DENND4C: variants seen among roughly 807,000 people sequenced by gnomAD.
DENND4C encodes DENN domain-containing protein 4C.
In DENND4C, 108 loss-of-function variants were observed where a neutral mutation model predicts 203.0. The ratio of observed to expected loss-of-function variants is 0.53; its 90% CI spans 0.46 to 0.62. DENND4C has a LOEUF of 0.62. Ranked by LOEUF, DENND4C falls within the 20% of genes least tolerant of loss-of-function variation. The probability of loss-of-function intolerance (pLI) is 0.00; values close to 1 mark genes in which losing one functional copy is unlikely to be tolerated. For missense variants in DENND4C, 2,481 were observed against 2,301.2 expected, an observed-to-expected ratio of 1.08 and a Z score of -1.60; for synonymous variants, 871 against 792.4, an observed-to-expected ratio of 1.10 and a Z score of -1.67.
intron 1 of DENND4C, among the ~76,000 whole-genome samples, chr9:19,241,004 A>C (rs1823555958): frequency 6.6e-6 from 1 of 152,282 alleles, no homozygotes; most frequent in South Asian, 2.1e-4. Flanking sequence ...AACGGAACAC[A>C]GAACAGGACA....
At chr9:19,311,468 T>G (rs1049539508) in intron 10 of DENND4C, among the ~76,000 whole-genome samples, 1 of 152,204 alleles carries the variant, frequency 6.6e-6, no homozygotes, top group African/African-American at 2.4e-5. Context: ...TCCGTTGAAT[T>G]GTGATCAGAA....
In DENND4C at chr9:19,361,828, T is replaced by C. The variant is rs775698482; in HGVS notation, c.5407-18T>C. On this transcript the variant is annotated intron_variant, in intron 29 of 32. Coordinates refer to ENST00000434457, the MANE Select transcript of DENND4C (RefSeq NM_001330640.2). Reference sequence around the variant, plus strand: ...TGTTATTCTCGGGATACTAATACTTTCTTTTGATTTCTTTTAGCTTCCTCT... The same window carrying C: ...TGTTATTCTCGGGATACTAATACTTCCTTTTGATTTCTTTTAGCTTCCTCT... The C allele has an allele frequency of 4.5e-5, 64 of 1,438,174 alleles. No individual in the cohort carries two copies. Among genetic ancestry groups the C allele is most frequent in the Non-Finnish European group, 6.0e-5 (61 of 1,020,902 alleles). The allele number at this position is 1,438,174 out of a possible 1,614,324, so 89.1% of individuals were successfully genotyped here. A position where few individuals can be genotyped will look rare whatever the true frequency, so the allele number is the denominator to read the frequency against.
Position 19,342,691 on chromosome 9 carries a change from C to G in DENND4C, c.3063C>G (p.His1021Gln). The change falls in exon 22 of 33, where the codon CAC (histidine) becomes CAG (glutamine). Residue 1021 changes from histidine (H) to glutamine (Q), a missense_variant. This residue lies in a region of DENND4C where 2,289 missense variants were observed against 2,113.3 expected (regional missense o/e 1.08). Coordinates refer to ENST00000434457, the MANE Select transcript of DENND4C (RefSeq NM_001330640.2). ...AKHSQPSPEP[H>Q]SPTEPPAWGS... ...ATTCACAACCTAGTCCAGAGCCTCA[C>G]AGTCCTACTGAACCTCCTGCATGGG... 6.2e-7 allele frequency: 1 copy of G among 1,613,568 alleles called. No individual in the cohort carries two copies. Among genetic ancestry groups the G allele is most frequent in the South Asian group, 1.1e-5 (1 of 90,980 alleles).
rs1188202841 is a variant in DENND4C at position 19,316,644 on chromosome 9, T to G, written c.1612T>G (p.Ser538Ala). Residue 538 changes from serine to alanine, a missense_variant, in exon 12 of 33, where the codon TCA becomes GCA. Physicochemically the swap from Ser to Ala is moderately conservative, Grantham distance 99. Around this residue, in one of 3 missense-constraint regions of DENND4C, gnomAD observed 2,289 missense variants for 2,113.3 expected, o/e 1.08. Coordinates refer to ENST00000434457, the MANE Select transcript of DENND4C (RefSeq NM_001330640.2). Reference protein sequence around the residue: ...SSVHQKTQEGSAIDMTPIEAD... With the variant: ...SSVHQKTQEGAAIDMTPIEAD... ...AGTTCACCAAAAAACTCAAGAAGGC[T>G]CAGCGATTGACATGACTCCAATTGA... 4 of 1,614,038 alleles carry G rather than the reference T, an allele frequency of 2.5e-6. No individual in the cohort carries two copies. The highest frequency in any genetic ancestry group is 3.4e-6 in the Non-Finnish European group (4 of 1,179,996).
intron 1 of DENND4C, among the ~76,000 whole-genome samples, chr9:19,270,900 A>G (rs539145428): frequency 7.2e-5 from 11 of 152,354 alleles, no homozygotes; most frequent in Admixed American, 5.2e-4. Flanking sequence ...ATATGAGATC[A>G]ATATGTAAAA....
intron 1 of DENND4C, among the ~76,000 whole-genome samples, chr9:19,273,540 A>G (rs1832217537): frequency 6.6e-6 from 1 of 152,054 alleles, no homozygotes; most frequent in African/African-American, 2.4e-5. Flanking sequence ...CATATGTCTG[A>G]TAGATGACTT....
At chr9:19,302,100 A>T (rs915493777) in intron 9 of DENND4C, among the ~76,000 whole-genome samples, 5 of 152,248 alleles carry the variant, frequency 3.3e-5, no homozygotes, top group Non-Finnish European at 5.9e-5. Context: ...GAAAAATGCC[A>T]GAGTATATGA....
chr9:19,309,212 C>A (rs1280682818), intron 10 of DENND4C, among the ~76,000 whole-genome samples: 1 of 151,992 alleles, frequency 6.6e-6, no homozygotes, highest in Non-Finnish European at 1.5e-5. Flanking sequence ...CTCCTGGGGT[C>A]GGGAGTTTGA....
At position 19,298,051 on chromosome 9, in the gene DENND4C, T is replaced by G. The variant is rs1457829085; in HGVS notation, c.1041-5T>G. The G allele has an allele frequency of 3.7e-6, 6 of 1,605,232 alleles. No individual in the cohort carries two copies. In the East Asian group the frequency reaches 1.1e-4, roughly 30 times the overall value. On this transcript the variant is annotated splice_polypyrimidine_tract_variant and splice_region_variant and intron_variant, in intron 6 of 32. Transcript: ENST00000434457. ...ATTATATTTATTTCAAATTTTTTTT[T>G]CTAGGCACATTTCACATTTTATGCA...
chr9:19,336,755 A>T lies in DENND4C; in HGVS notation c.2804A>T (p.Asp935Val). Residue 935 changes from aspartate to valine, a missense_variant, in exon 20 of 33, where the codon GAT becomes GTT. Around this residue, in one of 3 missense-constraint regions of DENND4C, gnomAD observed 2,289 missense variants for 2,113.3 expected, o/e 1.08. Transcript: ENST00000434457. Reference sequence around the variant, plus strand: ...CACGGTAGTGTGGATAGTTCTAATGATGCTAACAATGGGGAGCACACAGTC... The same window carrying T: ...CACGGTAGTGTGGATAGTTCTAATGTTGCTAACAATGGGGAGCACACAGTC... ...VSHGSVDSSNDANNGEHTVFV... is the reference protein window; with the variant it reads ...VSHGSVDSSNVANNGEHTVFV... The T allele has an allele frequency of 6.4e-7, 1 of 1,551,026 alleles. No individual in the cohort carries two copies. Among genetic ancestry groups the T allele is most frequent in the South Asian group, 1.2e-5 (1 of 84,060 alleles).
At chr9:19,321,703 A>T (rs907489708) in intron 12 of DENND4C, among the ~76,000 whole-genome samples, 1 of 151,572 alleles carries the variant, frequency 6.6e-6, no homozygotes, top group Non-Finnish European at 1.5e-5. Flanking sequence ...AAATTAGCGC[A>T]TGCCTGTAGT....
chr9:19,237,276 T>C (rs1822209420), intron 1 of DENND4C, among the ~76,000 whole-genome samples: 1 of 151,960 alleles, frequency 6.6e-6, no homozygotes, highest in Non-Finnish European at 1.5e-5. Flanking sequence ...ACCTTGGCCT[T>C]CCAGAGTGCT....
intron 1 of DENND4C, among the ~76,000 whole-genome samples, chr9:19,269,662 A>G (rs1831221207): frequency 6.6e-6 from 1 of 152,164 alleles, no homozygotes; most frequent in Admixed American, 6.6e-5. Flanking sequence ...TCTCTGTATT[A>G]TCTTGAATTT....
At position 19,371,743 on chromosome 9, in the gene DENND4C, A is replaced by T. The variant is rs1407990379; in HGVS notation, c.5676-13A>T. 7.5e-7 allele frequency: 1 copy of T among 1,339,160 alleles called. No homozygotes were observed. The highest frequency in any genetic ancestry group is 1.0e-6 in the Non-Finnish European group (1 of 955,178). The allele number at this position is 1,339,160 out of a possible 1,614,324, so 83.0% of individuals were successfully genotyped here. On this transcript the variant is annotated splice_polypyrimidine_tract_variant and intron_variant, in intron 31 of 32. Coordinates refer to ENST00000434457, the MANE Select transcript of DENND4C (RefSeq NM_001330640.2). ...ATTTGCCCATTGACTTTTAAAACAT[A>T]TTTGTTTTATAGGAGTTTATACAGA...
chr9:19,349,923 T>G (rs1346093635), intron 23 of DENND4C, among the ~76,000 whole-genome samples: 6 of 152,232 alleles, frequency 3.9e-5, no homozygotes, highest in African/African-American at 1.4e-4. Context: ...GAAAGATGTA[T>G]ATCAAGATTT....
chr9:19,272,914 CATG>C (rs1832036582), intron 1 of DENND4C, among the ~76,000 whole-genome samples: 1 of 146,104 alleles, frequency 6.8e-6, no homozygotes, highest in South Asian at 2.2e-4. Flanking sequence ...ATTTCAGGCA[CATG>C]CCACTACGCC....
chr9:19,371,081 A>G (rs1828742763), intron 31 of DENND4C, among the ~76,000 whole-genome samples: 1 of 152,166 alleles, frequency 6.6e-6, no homozygotes, highest in African/African-American at 2.4e-5. Flanking sequence ...TGAAGCTTCT[A>G]AAGAAAGTGA....
rs1175700646 is a variant in DENND4C at position 19,357,116 on chromosome 9, G to T, written c.4926G>T (p.Gln1642His). 12 of 1,613,734 alleles carry T rather than the reference G, an allele frequency of 7.4e-6. No homozygotes were observed. The Admixed American group carries it at 1.8e-4, about 25-fold the overall frequency. The change falls in exon 27 of 33, where the codon CAG becomes CAT. Residue 1642 changes from glutamine (Q) to histidine (H), a missense_variant. By Grantham distance (24) the Gln-to-His change is conservative. Around this residue, in one of 3 missense-constraint regions of DENND4C, gnomAD observed 2,289 missense variants for 2,113.3 expected, o/e 1.08. Coordinates refer to ENST00000434457, the MANE Select transcript of DENND4C (RefSeq NM_001330640.2). ...INFMDFPKHNQIITEETGSAV... is the reference protein window; with the variant it reads ...INFMDFPKHNHIITEETGSAV... ...TTATGGACTTCCCAAAACATAACCAGATCATAACTGAAGAAACAGGCTCTG... is the reference window on the plus strand; with the variant it reads ...TTATGGACTTCCCAAAACATAACCATATCATAACTGAAGAAACAGGCTCTG...
intron 23 of DENND4C, among the ~76,000 whole-genome samples, chr9:19,347,706 T>G (rs1270242261): frequency 1.3e-5 from 2 of 152,220 alleles, no homozygotes; most frequent in Admixed American, 1.3e-4. Context: ...TTCCATACAC[T>G]AGTCTAAACT....
Sources: gnomAD v4.1 joint callset for allele counts (sites outside exome capture counted in the v4.1 genomes callset) on GRCh38, gnomAD v4.1.1 for gene constraint, gnomAD v4.1.1 regional missense constraint, MANE v1.5 for transcripts, NCBI Gene and HGNC (gene_info 2026-07-23, HGNC 2026-07-21) for gene names.